BAZ2B: variants seen among roughly 807,000 people sequenced by gnomAD.
The protein encoded by BAZ2B is bromodomain adjacent to zinc finger domain 2B, also known as bromodomain adjacent to zinc finger domain protein 2B.
BAZ2B carries 91 observed loss-of-function variants against 246.0 expected under a neutral mutation model. The observed-to-expected ratio is 0.37, with a 90% confidence interval of 0.31 to 0.44. The LOEUF is 0.44. BAZ2B is among the 20% of genes least tolerant of loss of function. The pLI, the probability that BAZ2B is intolerant of heterozygous loss-of-function variation, is 1.00. For missense variants in BAZ2B, 2,332 were observed against 2,533.7 expected, an observed-to-expected ratio of 0.92 and a Z score of 1.71; for synonymous variants, 855 against 860.0, an observed-to-expected ratio of 0.99 and a Z score of 0.10.
intron 21 of BAZ2B, among the ~76,000 whole-genome samples, chr2:159,388,925 A>G (rs1045423032): frequency 1.3e-5 from 2 of 152,032 alleles, no homozygotes; most frequent in Admixed American, 1.3e-4. Context: ...ACAAAAACCC[A>G]AAAAACTAGC....
At chr2:159,441,359 G>T (rs2073353222) in intron 6 of BAZ2B, among the ~76,000 whole-genome samples, 1 of 152,164 alleles carries the variant, frequency 6.6e-6, no homozygotes, top group Non-Finnish European at 1.5e-5. Context: ...TAACATTCCT[G>T]AGTCCCACTT....
chr2:159,692,955 C>T, the BAZ2B span, among the ~76,000 whole-genome samples: 7 of 152,202 alleles, frequency 4.6e-5, no homozygotes, highest in East Asian at 5.8e-4. Flanking sequence ...ACTACAGGTA[C>T]GTGCCACCAT....
intron 2 of BAZ2B, 59 bp from the exon 3 acceptor site, chr2:159,478,780 T>A: frequency 1.5e-6 from 2 of 1,309,642 alleles, no homozygotes; most frequent in Admixed American, 2.8e-5. Context: ...TCAAAAGAAT[T>A]CAACATAAAC....
chr2:159,358,797 G>A (rs150490370), intron 27 of BAZ2B, among the ~76,000 whole-genome samples: 9 of 152,216 alleles, frequency 5.9e-5, no homozygotes, highest in Admixed American at 5.9e-4. Context: ...TAGAACTCAG[G>A]GTTAAGAAAC....
chr2:159,617,666 G>T (rs1308236057), upstream of BAZ2B, among the ~76,000 whole-genome samples: 2 of 152,010 alleles, frequency 1.3e-5, no homozygotes. Context: ...CTTAAAAGAT[G>T]CTATTGTTTT....
chr2:159,398,938 T>C (rs2149714153), intron 17 of BAZ2B, 44 bp from the exon 18 acceptor site: 1 of 1,551,702 alleles, frequency 6.4e-7, no homozygotes, highest in African/African-American at 1.4e-5. Flanking sequence ...ACAGCACCAC[T>C]ACAACTTGCA....
intron 3 of BAZ2B, among the ~76,000 whole-genome samples, chr2:159,457,350 T>C (rs1181468533): frequency 1.3e-5 from 2 of 152,200 alleles, no homozygotes; most frequent in African/African-American, 4.8e-5. Flanking sequence ...GACTCAGTAA[T>C]ACAACCCAAA....
chr2:159,705,430 G>C, the BAZ2B span, among the ~76,000 whole-genome samples: 6 of 152,250 alleles, frequency 3.9e-5, no homozygotes. Context: ...TTTCTGAATA[G>C]TTTAACATTT....
the BAZ2B span, among the ~76,000 whole-genome samples, chr2:159,657,806 T>A: frequency 6.6e-6 from 1 of 152,256 alleles, no homozygotes; most frequent in Non-Finnish European, 1.5e-5. Flanking sequence ...TATATTCACT[T>A]CGTATCGTGC....
chr2:159,615,768 C>G (rs1695914368), intron 1 of BAZ2B: 1 of 152,222 alleles, frequency 6.6e-6, no homozygotes, highest in African/African-American at 2.4e-5. Flanking sequence ...TTGGCGGCGA[C>G]CTGAGCGCTG....
chr2:159,448,115 C>T, intron 5 of BAZ2B, 127 bp downstream of exon 5: 1 of 1,079,596 alleles, frequency 9.3e-7, no homozygotes, highest in Non-Finnish European at 1.3e-6. Context: ...AAGAGTGAGA[C>T]CTTGTCTCTA....
At chr2:159,451,151 C>T (rs1279601874) in intron 4 of BAZ2B, among the ~76,000 whole-genome samples, 3 of 151,700 alleles carry the variant, frequency 2.0e-5, no homozygotes, top group South Asian at 2.1e-4. Context: ...AAAAATACTT[C>T]GCAAAAATTC....
intron 32 of BAZ2B, 70 bp downstream of exon 32, chr2:159,337,497 A>G: frequency 1.9e-6 from 3 of 1,613,122 alleles, no homozygotes; most frequent in Non-Finnish European, 2.5e-6. Context: ...GTGCAGGAGC[A>G]GGGACAGTAA....
At chr2:159,315,359 T>A (rs1218363458), downstream of BAZ2B, among the ~76,000 whole-genome samples, 1 of 152,140 alleles carries the variant, frequency 6.6e-6, no homozygotes, top group Admixed American at 6.5e-5. Context: ...TTTTTGTGGG[T>A]CAAGAAATCA....
At chr2:159,504,929 A>T (rs1188022439) in intron 2 of BAZ2B, among the ~76,000 whole-genome samples, 1 of 152,238 alleles carries the variant, frequency 6.6e-6, no homozygotes, top group African/African-American at 2.4e-5. Context: ...TTTTAAACAA[A>T]GGTGCAGAGA....
chr2:159,653,654 C>T, the BAZ2B span, among the ~76,000 whole-genome samples: 3 of 152,234 alleles, frequency 2.0e-5, no homozygotes, highest in Admixed American at 2.0e-4. Flanking sequence ...GATGTAATTA[C>T]ACATAAGGTT....
At chr2:159,632,832 A>C in the BAZ2B span, among the ~76,000 whole-genome samples, 1 of 152,244 alleles carries the variant, frequency 6.6e-6, no homozygotes, top group Non-Finnish European at 1.5e-5. Flanking sequence ...ACTGATGAAA[A>C]AGTAAAGTTC....
intron 2 of BAZ2B, among the ~76,000 whole-genome samples, chr2:159,550,578 C>T (rs532229766): frequency 2.0e-5 from 3 of 151,502 alleles, no homozygotes; most frequent in Non-Finnish European, 2.9e-5. Flanking sequence ...AGTGATATAC[C>T]GGAAAAAAAA....
At chr2:159,706,276 G>A in the BAZ2B span, among the ~76,000 whole-genome samples, 1 of 151,978 alleles carries the variant, frequency 6.6e-6, no homozygotes, top group East Asian at 1.9e-4. Flanking sequence ...GAAAAGAGAA[G>A]GACTACACTA....
Sources: gnomAD v4.1 joint callset for allele counts (sites outside exome capture counted in the v4.1 genomes callset) on GRCh38, gnomAD v4.1.1 for gene constraint, MANE v1.5 for transcripts, NCBI Gene and HGNC (gene_info 2026-07-23, HGNC 2026-07-21) for gene names.